Variants in MSRA observed in about 807,000 individuals in gnomAD.
MSRA encodes methionine sulfoxide reductase A.
In MSRA, 54 loss-of-function variants were observed where a neutral mutation model predicts 31.3. That is an observed-to-expected ratio of 1.73 (90% CI 1.39 to 2.17). The LOEUF (loss-of-function observed/expected upper bound fraction) is 2.17. Ranked by LOEUF, MSRA falls within the 30% of genes most tolerant of loss-of-function variation. The pLI is 0.00. For synonymous variants in MSRA, 169 were observed against 116.5 expected (o/e 1.45, Z -2.90); for missense variants, 507 against 300.9 (o/e 1.69, Z -5.07).
In MSRA at chr8:10,400,474, G is replaced by T. The variant is rs145509743; in HGVS notation, c.544-27674G>T. On this transcript the variant is annotated intron_variant, in intron 5 of 5. Transcript: ENST00000317173. The stretch of plus-strand genomic sequence containing the variant: ...CCTATTGACTCCCCATGTGACTGCT[G>T]GGAGGAGAAGCAGGAGTGAGAACAG... Among the ~76,000 whole-genome samples, 308 of 152,210 alleles carry T rather than the reference G, an allele frequency of 2.0e-3. 3 individuals carry two copies. The highest frequency in any genetic ancestry group is 7.2e-3 in the African/African-American group (297 of 41,534).
At chr8:10,153,055 C>G (rs1468383581) in intron 1 of MSRA, among the ~76,000 whole-genome samples, 1 of 152,126 alleles carries the variant, frequency 6.6e-6, no homozygotes, top group African/African-American at 2.4e-5. Flanking sequence ...TTCAGTTTTG[C>G]AAGGTGAAAA....
chr8:10,237,612 T>C (rs771759066), intron 2 of MSRA, among the ~76,000 whole-genome samples: 5 of 152,234 alleles, frequency 3.3e-5, no homozygotes, highest in Admixed American at 6.5e-5. Context: ...AGACTTACTC[T>C]ACTAGGTATT....
At chr8:10,230,170 G>A (rs1811344801) in intron 2 of MSRA, among the ~76,000 whole-genome samples, 1 of 152,262 alleles carries the variant, frequency 6.6e-6, no homozygotes, top group Non-Finnish European at 1.5e-5. Context: ...AGAGTTCTCT[G>A]CAGAGAGGGG....
chr8:10,185,997 C>T (rs1168963010), intron 1 of MSRA, among the ~76,000 whole-genome samples: 1 of 152,076 alleles, frequency 6.6e-6, no homozygotes, highest in Non-Finnish European at 1.5e-5. Flanking sequence ...GAGCTGCACA[C>T]TCAGTTCCTT....
At chr8:10,192,264 C>A (rs1038459832) in intron 1 of MSRA, among the ~76,000 whole-genome samples, 1 of 152,212 alleles carries the variant, frequency 6.6e-6, no homozygotes, top group Non-Finnish European at 1.5e-5. Flanking sequence ...GGATTAAGCT[C>A]CACTTCTTGA....
At chr8:10,262,704 G>T (rs566092203) in intron 3 of MSRA, among the ~76,000 whole-genome samples, 1 of 152,250 alleles carries the variant, frequency 6.6e-6, no homozygotes, top group African/African-American at 2.4e-5. Flanking sequence ...CATTATTTGT[G>T]AACTGTGTGG....
At chr8:10,065,024 G>C (rs1265701454) in intron 1 of MSRA, among the ~76,000 whole-genome samples, 1 of 152,072 alleles carries the variant, frequency 6.6e-6, no homozygotes, top group Non-Finnish European at 1.5e-5. Flanking sequence ...CCCCGAGAAG[G>C]CATTGCATTG....
chr8:10,157,347 A>T (rs1418850732), intron 1 of MSRA, among the ~76,000 whole-genome samples: 1 of 152,090 alleles, frequency 6.6e-6, no homozygotes, highest in Non-Finnish European at 1.5e-5. Context: ...TCACTGTCTG[A>T]TGGTGTGATT....
intron 5 of MSRA, among the ~76,000 whole-genome samples, chr8:10,390,979 G>GAA (rs58263674): frequency 0.38 from 52,432 of 138,506 alleles, 11,190 homozygotes; most frequent in Non-Finnish European, 0.5. Flanking sequence ...TGTCTCAAAA[G>GAA]AAAAAAAAAA....
intron 5 of MSRA, among the ~76,000 whole-genome samples, chr8:10,366,842 G>A (rs920843379): frequency 6.6e-6 from 1 of 152,122 alleles, no homozygotes; most frequent in African/African-American, 2.4e-5. Flanking sequence ...TTAACTGGTT[G>A]TGCTGACCAC....
intron 1 of MSRA, among the ~76,000 whole-genome samples, chr8:10,189,461 G>A (rs1563198856): frequency 6.6e-6 from 1 of 152,158 alleles, no homozygotes; most frequent in Admixed American, 6.5e-5. Flanking sequence ...TTACCATAAA[G>A]TATGATGCAG....
At chr8:10,186,607 T>C (rs538389859) in intron 1 of MSRA, among the ~76,000 whole-genome samples, 54 of 152,348 alleles carry the variant, frequency 3.5e-4, no homozygotes, top group Middle Eastern at 3.4e-3. Flanking sequence ...AGTAATCCTT[T>C]ACCTTTGGGT....
intron 1 of MSRA, among the ~76,000 whole-genome samples, chr8:10,103,414 G>A (rs1037475128): frequency 6.6e-6 from 1 of 152,160 alleles, no homozygotes; most frequent in African/African-American, 2.4e-5. Flanking sequence ...CATTGACAGT[G>A]AGATCCCAGT....
At chr8:10,184,873 T>C (rs138288037) in intron 1 of MSRA, among the ~76,000 whole-genome samples, 84 of 152,236 alleles carry the variant, frequency 5.5e-4, no homozygotes, top group Non-Finnish European at 1.1e-3. Context: ...TACTGAAAAA[T>C]AGCCTGATTT....
chr8:10,323,555 G>T (rs1302865526), intron 5 of MSRA, among the ~76,000 whole-genome samples: 1 of 152,166 alleles, frequency 6.6e-6, no homozygotes. Flanking sequence ...GTTTTGAGGG[G>T]AACCCACGTT....
intron 1 of MSRA, among the ~76,000 whole-genome samples, chr8:10,056,841 C>A (rs556739939): frequency 6.6e-6 from 1 of 152,172 alleles, no homozygotes; most frequent in East Asian, 1.9e-4. Flanking sequence ...CCATCCATGT[C>A]TGTTCTTATT....
intron 1 of MSRA, among the ~76,000 whole-genome samples, chr8:10,156,361 T>C (rs6984070): frequency 5.3e-5 from 8 of 151,984 alleles, no homozygotes; most frequent in African/African-American, 1.9e-4. Context: ...AGAGATGCCT[T>C]TTGGATTACT....
chr8:10,269,952 G>A (rs1798943816), intron 3 of MSRA, among the ~76,000 whole-genome samples: 2 of 152,298 alleles, frequency 1.3e-5, no homozygotes, highest in Non-Finnish European at 1.5e-5. Context: ...TGCCTGGCCT[G>A]CTACCGCTTA....
intron 3 of MSRA, among the ~76,000 whole-genome samples, chr8:10,263,455 A>G (rs1476078198): frequency 2.0e-4 from 31 of 152,256 alleles, no homozygotes; most frequent in Non-Finnish European, 2.9e-5. Context: ...ACGTTCAGAC[A>G]ATAGGTTAAT....
Sources: gnomAD v4.1 joint callset for allele counts (sites outside exome capture counted in the v4.1 genomes callset) on GRCh38, gnomAD v4.1.1 for gene constraint, MANE v1.5 for transcripts, NCBI Gene and HGNC (gene_info 2026-07-23, HGNC 2026-07-21) for gene names.